The following NABP2 variants were observed in gnomAD, a reference collection of about 807,000 sequenced individuals.
NABP2 encodes the protein nucleic acid binding protein 2.
Under a neutral mutation model 22.7 loss-of-function variants are expected in NABP2, and 7 were observed. The ratio of observed to expected loss-of-function variants is 0.31; its 90% CI spans 0.18 to 0.58. The LOEUF (loss-of-function observed/expected upper bound fraction) is 0.58, where lower values mean the gene tolerates loss of function less well. Among genes scored for constraint, NABP2 ranks in the 20% least tolerant of loss-of-function variants. NABP2 has a pLI of 0.89. For missense variants in NABP2, 188 were observed against 265.9 expected (o/e 0.71, Z 2.04); for synonymous variants, 107 against 99.2 (o/e 1.08, Z -0.47).
Position 56,226,277 on chromosome 12 carries a change from C to G in NABP2, c.372+17C>G. On this transcript the variant is annotated intron_variant, in intron 5 of 6. Coordinates refer to ENST00000267023, the MANE Select transcript of NABP2 (RefSeq NM_024068.4). Reference sequence around the variant, plus strand: ...AACAAGGCGGTGAGTCCTGTGGCCACAATGGTGGGAAAGGAGGGCAGATCA... The same window carrying G: ...AACAAGGCGGTGAGTCCTGTGGCCAGAATGGTGGGAAAGGAGGGCAGATCA... 6.2e-7 allele frequency: 1 copy of G among 1,614,090 alleles called. No individual in the cohort carries two copies. The highest frequency in any genetic ancestry group is 8.5e-7 in the Non-Finnish European group (1 of 1,180,000).
chr12:56,229,087 T>TTGGGGCCCCC lies in NABP2; in HGVS notation c.510_511insTGGGGCCCCC (p.Pro171TrpfsTer33). On this transcript the variant is annotated frameshift_variant, in exon 7 of 7. Transcript: ENST00000267023. LOFTEE classifies it high-confidence loss of function. ...GTGGTGGCCCACATCCCCCTCATAC[T>TTGGGGCCCCC]CCCTCCCACCCACCCAGCACCCGAA... 6 of 1,512,334 alleles carry TTGGGGCCCCC rather than the reference T, an allele frequency of 4.0e-6. No homozygotes were observed. The highest frequency in any genetic ancestry group is 5.4e-6 in the Non-Finnish European group (6 of 1,102,002). 93.7% of individuals were successfully genotyped at this position (1,512,334 alleles called of 1,614,324 possible).
At chr12:56,227,386 A>AT (rs1869824767) in intron 6 of NABP2, among the ~76,000 whole-genome samples, 1 of 151,948 alleles carries the variant, frequency 6.6e-6, no homozygotes, top group African/African-American at 2.4e-5. Context: ...AAAAAAAAAA[A>AT]AAAGAACCAC....
chr12:56,222,208 TG>T (rs1869519296), upstream of NABP2: 1 of 152,246 alleles, frequency 6.6e-6, no homozygotes, highest in Non-Finnish European at 1.5e-5. Flanking sequence ...AGGTGACTTG[TG>T]TCTTAGAGCT....
upstream of NABP2, among the ~76,000 whole-genome samples, chr12:56,224,015 C>G (rs1869637228): frequency 6.6e-6 from 1 of 152,212 alleles, no homozygotes; most frequent in African/African-American, 2.4e-5. Flanking sequence ...AGCCAGGATT[C>G]AAACTTTTGT....
Position 56,225,359 on chromosome 12 carries a change from TCTG to T in NABP2, c.80-13_80-11del, listed in dbSNP as rs1413758774. The T allele has an allele frequency of 3.1e-6, 5 of 1,614,044 alleles. No homozygotes were observed. The highest frequency in any genetic ancestry group is 4.2e-6 in the Non-Finnish European group (5 of 1,180,002). ...TTGACCATCCTCCCACCTCGATTTA[TCTG>T]TTCCGTTCAGGCCGAGTGACCAAGA... On this transcript the variant is annotated splice_polypyrimidine_tract_variant and intron_variant, in intron 2 of 6. Coordinates refer to ENST00000267023, the MANE Select transcript of NABP2 (RefSeq NM_024068.4).
Position 56,224,873 on chromosome 12 carries a change from T to C in NABP2, c.17T>C (p.Phe6Ser), listed in dbSNP as rs1355557059. Residue 6 changes from phenylalanine to serine, a missense_variant, in exon 2 of 7, where the codon TTT (phenylalanine) becomes TCT (serine). Phe to Ser is a radical substitution (Grantham distance 155, BLOSUM62 -2). Transcript: ENST00000267023. ...TCAGGCAGCATGACGACGGAGACCT[T>C]TGTGAAGGATATCAAGCCTGGGCTC... The part of the protein sequence containing the change: MTTET[F>S]VKDIKPGLKN... The C allele has an allele frequency of 6.2e-7, 1 of 1,613,736 alleles. No homozygotes were observed. The highest frequency in any genetic ancestry group is 2.2e-5 in the East Asian group (1 of 44,860).
chr12:56,228,802 ATG>A (rs939382540), intron 6 of NABP2, among the ~76,000 whole-genome samples: 1 of 152,206 alleles, frequency 6.6e-6, no homozygotes, highest in Non-Finnish European at 1.5e-5. Flanking sequence ...ACCGAGGTTC[ATG>A]TAGCAACTTC....
At chr12:56,226,819 G>A (rs954657229) in intron 6 of NABP2, among the ~76,000 whole-genome samples, 4 of 146,572 alleles carry the variant, frequency 2.7e-5, no homozygotes, top group Non-Finnish European at 6.0e-5. Context: ...TGCCTCCTGG[G>A]TTCAAGTGAT....
Position 56,224,361 on chromosome 12 carries a change from G to A in NABP2, c.-104G>A. 1.0e-6 allele frequency: 1 copy of A among 990,398 alleles called. No homozygotes were observed. The highest frequency in any genetic ancestry group is 1.7e-5 in the African/African-American group (1 of 57,456). 61.4% of individuals were successfully genotyped at this position (990,398 alleles called of 1,614,324 possible). A position where few individuals can be genotyped will look rare whatever the true frequency, so the allele number is the denominator to read the frequency against. On this transcript the variant is annotated 5_prime_UTR_variant, in exon 1 of 7. Coordinates refer to ENST00000267023, the MANE Select transcript of NABP2 (RefSeq NM_024068.4). ...ATGTCCGCACTCCCGCGTTCCACGG[G>A]GCAGCATCCGGCGGCAGCGGAGCCT...
Position 56,225,654 on chromosome 12 carries a change from A to C in NABP2, c.249A>C (p.Thr83=), listed in dbSNP as rs532766461. 3 of 1,614,166 alleles carry C rather than the reference A, an allele frequency of 1.9e-6. No individual in the cohort carries two copies. The South Asian group carries it at 3.3e-5, about 18-fold the overall frequency. Residue 83 remains threonine, a synonymous_variant, in exon 4 of 7, where the codon ACA becomes ACC. Coordinates refer to ENST00000267023, the MANE Select transcript of NABP2 (RefSeq NM_024068.4). ...CTTCAGTTTTCAAAGGTTGTCTGACACTATATACTGGCCGTGGGGGTGATC... is the reference window on the plus strand; with the variant it reads ...CTTCAGTTTTCAAAGGTTGTCTGACCCTATATACTGGCCGTGGGGGTGATC... The part of the protein sequence containing the change: ...GYASVFKGCL[T]LYTGRGGDLQ...
intron 4 of NABP2, among the ~76,000 whole-genome samples, 192 bp downstream of exon 4, chr12:56,225,887 C>T (rs1168120905): frequency 6.6e-6 from 1 of 152,154 alleles, no homozygotes; most frequent in Non-Finnish European, 1.5e-5. Flanking sequence ...GTAGCCTTGA[C>T]CTCCCGGGGT....
intron 6 of NABP2, among the ~76,000 whole-genome samples, chr12:56,227,990 C>T (rs1869853295): frequency 6.6e-6 from 1 of 152,024 alleles, no homozygotes; most frequent in Non-Finnish European, 1.5e-5. Context: ...GCTGGGAGTT[C>T]AAGACCAGCC....
chr12:56,229,246 T>A lies in NABP2; in HGVS notation c.*33T>A. ...TTCTTTCTTCCTGCCACCAACCACATCCCAAGTGTCCCCTGGAGAGCAAGA... is the reference window on the plus strand; with the variant it reads ...TTCTTTCTTCCTGCCACCAACCACAACCCAAGTGTCCCCTGGAGAGCAAGA... On this transcript the variant is annotated 3_prime_UTR_variant, in exon 7 of 7. Coordinates refer to ENST00000267023, the MANE Select transcript of NABP2 (RefSeq NM_024068.4). The A allele has an allele frequency of 6.2e-7, 1 of 1,608,846 alleles. No individual in the cohort carries two copies. Among genetic ancestry groups the A allele is most frequent in the Non-Finnish European group, 8.5e-7 (1 of 1,177,696 alleles).
chr12:56,224,861 C>A lies in NABP2; in HGVS notation c.5C>A (p.Thr2Lys). M[T>K]TETFVKDIKP... ...GGGTGCCGAGGCTCAGGCAGCATGA[C>A]GACGGAGACCTTTGTGAAGGATATC... is the stretch of plus-strand genomic sequence containing the variant. Residue 2 changes from threonine to lysine, a missense_variant, in exon 2 of 7, where the codon ACG (threonine) becomes AAG (lysine). Transcript: ENST00000267023. 6.2e-7 allele frequency: 1 copy of A among 1,613,636 alleles called. No homozygotes were observed. Among genetic ancestry groups the A allele is most frequent in the Non-Finnish European group, 8.5e-7 (1 of 1,179,942 alleles).
upstream of NABP2, among the ~76,000 whole-genome samples, chr12:56,223,866 G>A (rs1869629128): frequency 6.6e-6 from 1 of 152,158 alleles, no homozygotes; most frequent in Admixed American, 6.5e-5. Flanking sequence ...TATTGCCCAG[G>A]CAGGTCTGGA....
chr12:56,226,076 A>T, intron 4 of NABP2, 103 bp from the exon 5 acceptor site: 1 of 993,280 alleles, frequency 1.0e-6, no homozygotes, highest in Non-Finnish European at 1.6e-6. Flanking sequence ...TGCTAGGATT[A>T]CAGGTGTGAG....
At chr12:56,222,216 A>C (rs1227329059), upstream of NABP2, 1 of 152,136 alleles carries the variant, frequency 6.6e-6, no homozygotes, top group African/African-American at 2.4e-5. Flanking sequence ...TGTGTCTTAG[A>C]GCTGACGCAG....
chr12:56,226,442 A>G (rs775682463), intron 6 of NABP2, 23 bp downstream of exon 6: 1 of 1,604,556 alleles, frequency 6.2e-7, no homozygotes. Context: ...CCTTCTATCC[A>G]CTGGTCCTCC....
In NABP2 at chr12:56,225,375, C is replaced by G. The variant is rs1408207438; in HGVS notation, c.82C>G (p.Arg28Gly). Residue 28 changes from arginine to glycine, a missense_variant and splice_region_variant, in exon 3 of 7, where the codon CGA becomes GGA. By Grantham distance (125) the Arg-to-Gly change is moderately radical. Coordinates refer to ENST00000267023, the MANE Select transcript of NABP2 (RefSeq NM_024068.4). Reference protein sequence around the residue: ...NLIFIVLETGRVTKTKDGHEV... With the variant: ...NLIFIVLETGGVTKTKDGHEV... ...CTCGATTTATCTGTTCCGTTCAGGC[C>G]GAGTGACCAAGACAAAGGACGGGCA... 1.2e-6 allele frequency: 2 copies of G among 1,614,156 alleles called. No individual in the cohort carries two copies. Among genetic ancestry groups the G allele is most frequent in the Non-Finnish European group, 1.7e-6 (2 of 1,180,024 alleles).
Sources: allele counts gnomAD v4.1 joint callset (sites outside exome capture counted in the v4.1 genomes callset), GRCh38; gene constraint gnomAD v4.1.1; transcripts MANE v1.5; gene names NCBI Gene and HGNC (gene_info 2026-07-23, HGNC 2026-07-21).